Variants in MAP3K4 observed in about 807,000 individuals in gnomAD.
MAP3K4 encodes the protein MAP three kinase 1.
MAP3K4 carries 67 observed loss-of-function variants against 185.6 expected under a neutral mutation model. The ratio of observed to expected loss-of-function variants is 0.36; its 90% CI spans 0.30 to 0.44. The LOEUF (loss-of-function observed/expected upper bound fraction) is 0.44, where lower values mean the gene tolerates loss of function less well. MAP3K4 is among the 20% of genes least tolerant of loss of function. MAP3K4 has a pLI of 1.00. For missense variants in MAP3K4, 1,551 were observed against 1,995.1 expected (o/e 0.78, Z 4.24); for synonymous variants, 702 against 710.4 (o/e 0.99, Z 0.19).
In MAP3K4 at chr6:161,097,918, C is replaced by CA. The variant is rs375593903; in HGVS notation, c.3525-354dup. 1.1e-3 allele frequency among the ~76,000 whole-genome samples: 172 copies of CA among 151,702 alleles called. No homozygotes were observed. Among genetic ancestry groups the CA allele is most frequent in the African/African-American group, 4.0e-3 (166 of 41,402 alleles). On this transcript the variant is annotated intron_variant, in intron 16 of 26. Transcript: ENST00000392142. This position sits in a 1 kb window ranked among gnomAD's most constrained non-coding sequence, Gnocchi z 4.9. ...GCAACGTAGCAAAACATCATCTCTACAAAAAATACAACAAAGATAATAGCT... is the reference window on the plus strand; with the variant it reads ...GCAACGTAGCAAAACATCATCTCTACAAAAAAATACAACAAAGATAATAGCT...
At chr6:161,024,107 C>T (rs1208699725) in intron 1 of MAP3K4, among the ~76,000 whole-genome samples, 1 of 152,136 alleles carries the variant, frequency 6.6e-6, no homozygotes, top group African/African-American at 2.4e-5. Flanking sequence ...GCCGGGACTA[C>T]AGGTGTGCAG....
rs1021093326 is a variant in MAP3K4, at chr6:161,109,624, G to A, written c.4237-131G>A. ...GTTGTGAGACACATTCAGTGCTCAG[G>A]ATGGCAAGTGTAGTATACCGTTAGA... On this transcript the variant is annotated intron_variant, in intron 22 of 26. Coordinates refer to ENST00000392142, the MANE Select transcript of MAP3K4 (RefSeq NM_005922.4). The surrounding 1 kb of genome is among the most constrained non-coding windows in gnomAD (Gnocchi z 5.7). 9 of 871,558 alleles carry A rather than the reference G, an allele frequency of 1.0e-5. No individual in the cohort carries two copies. The highest frequency in any genetic ancestry group is 1.7e-5 in the African/African-American group (1 of 60,022). The allele number at this position is 871,558 out of a possible 1,614,324, so 54.0% of individuals were successfully genotyped here. A position where few individuals can be genotyped will look rare whatever the true frequency, so the allele number is the denominator to read the frequency against.
chr6:160,996,453 C>T lies in MAP3K4; in HGVS notation c.152+4370C>T, dbSNP rs1329602181. Among the ~76,000 whole-genome samples, 1 of 152,188 alleles carries T rather than the reference C, an allele frequency of 6.6e-6. No individual in the cohort carries two copies. Among genetic ancestry groups the T allele is most frequent in the Non-Finnish European group, 1.5e-5 (1 of 68,034 alleles). Reference sequence around the variant, plus strand: ...CGGGGATATAAAGGTCTTGCCTGCTCACTGGATACATTTGTTGTAATAACT... The same window carrying T: ...CGGGGATATAAAGGTCTTGCCTGCTTACTGGATACATTTGTTGTAATAACT... On this transcript the variant is annotated intron_variant, in intron 1 of 26. Coordinates refer to ENST00000392142, the MANE Select transcript of MAP3K4 (RefSeq NM_005922.4). This position sits in a 1 kb window ranked among gnomAD's most constrained non-coding sequence, Gnocchi z 4.5.
In MAP3K4 at chr6:161,101,930, T is replaced by A; in HGVS notation, c.3713T>A (p.Ile1238Lys). 1 of 1,614,198 alleles carries A rather than the reference T, an allele frequency of 6.2e-7. No individual in the cohort carries two copies. The highest frequency in any genetic ancestry group is 2.2e-5 in the East Asian group (1 of 44,888). Residue 1238 changes from isoleucine to lysine, a missense_variant, in exon 18 of 27, where the codon ATA becomes AAA. This residue lies in a region of MAP3K4 where 272 missense variants were observed against 301.2 expected (regional missense o/e 0.90). Coordinates refer to ENST00000392142, the MANE Select transcript of MAP3K4 (RefSeq NM_005922.4). This position sits in a 1 kb window ranked among gnomAD's most constrained non-coding sequence, Gnocchi z 5.1. The part of the protein sequence containing the change: ...SVPENDRLAS[I>K]AAELQFRSLS... ...CCTGAAAATGATCGATTGGCTTCCATAGCTGCTGAATTGCAGTTTAGGTCC... is the reference window on the plus strand; with the variant it reads ...CCTGAAAATGATCGATTGGCTTCCAAAGCTGCTGAATTGCAGTTTAGGTCC...
chr6:161,110,234 T>C lies in MAP3K4; in HGVS notation c.4396+320T>C, dbSNP rs1336448141. ...ATTCGTGATCAAAGCAACCTTTTTTTTCTCTCGTGTCAGGATTCTTGTCTA... is the reference window on the plus strand; with the variant it reads ...ATTCGTGATCAAAGCAACCTTTTTTCTCTCTCGTGTCAGGATTCTTGTCTA... On this transcript the variant is annotated intron_variant, in intron 23 of 26. Transcript: ENST00000392142. The surrounding 1 kb of genome is among the most constrained non-coding windows in gnomAD (Gnocchi z 4.8). Among the ~76,000 whole-genome samples, 3 of 152,216 alleles carry C rather than the reference T, an allele frequency of 2.0e-5. No individual in the cohort carries two copies. The highest frequency in any genetic ancestry group is 2.9e-5 in the Non-Finnish European group (2 of 68,050).
At position 161,083,806 on chromosome 6, in the gene MAP3K4, C is replaced by T. The variant is rs1001973201; in HGVS notation, c.2256-695C>T. On this transcript the variant is annotated intron_variant, in intron 6 of 26. Coordinates refer to ENST00000392142, the MANE Select transcript of MAP3K4 (RefSeq NM_005922.4). ...TTGCAGGGCTTTCTGGACATGAAGC[C>T]ATGCCTTCAATGGGTCTGAAACTGT... Among the ~76,000 whole-genome samples, 14 of 152,278 alleles carry T rather than the reference C, an allele frequency of 9.2e-5. 1 individual carries two copies. The East Asian group carries it at 2.7e-3, about 29-fold the overall frequency.
At position 160,991,922 on chromosome 6, in the gene MAP3K4, C is replaced by G; in HGVS notation, c.-10C>G. ...CTGCCCGCCGCGGCCATGCGGGGCT[C>G]CGTGCACGGATGAGAGAAGCCGCTG... On this transcript the variant is annotated 5_prime_UTR_variant, in exon 1 of 27. Transcript: ENST00000392142. This position sits in a 1 kb window ranked among gnomAD's most constrained non-coding sequence, Gnocchi z 5.7. The G allele has an allele frequency of 6.6e-7, 1 of 1,524,058 alleles. No individual in the cohort carries two copies. 94.4% of individuals were successfully genotyped at this position (1,524,058 alleles called of 1,614,324 possible).
chr6:161,102,195 T>C (rs1421240214), intron 18 of MAP3K4, among the ~76,000 whole-genome samples: 4 of 152,196 alleles, frequency 2.6e-5, no homozygotes, highest in African/African-American at 9.7e-5. Flanking sequence ...ACAGATGCCT[T>C]TTTAGCCCTG....
chr6:160,992,644 C>T (rs1232407287), intron 1 of MAP3K4, among the ~76,000 whole-genome samples: 1 of 152,114 alleles, frequency 6.6e-6, no homozygotes, highest in African/African-American at 2.4e-5. Context: ...TCTGAGGGCC[C>T]CTTACTGTCC....
chr6:161,024,363 A>C (rs571867680), intron 1 of MAP3K4, among the ~76,000 whole-genome samples: 5 of 152,316 alleles, frequency 3.3e-5, no homozygotes, highest in South Asian at 4.1e-4. Context: ...TAAATTTTAT[A>C]TAACTTCATA....
intron 2 of MAP3K4, among the ~76,000 whole-genome samples, chr6:161,041,915 T>C (rs1193103456): frequency 3.7e-5 from 2 of 53,874 alleles, no homozygotes; most frequent in African/African-American, 1.4e-4. Flanking sequence ...ATTGTTTCTT[T>C]TTTTTTTTTT....
intron 3 of MAP3K4, among the ~76,000 whole-genome samples, chr6:161,069,738 A>G (rs1283684623): frequency 6.6e-6 from 1 of 152,086 alleles, no homozygotes; most frequent in African/African-American, 2.4e-5. Context: ...TCCCCAAGTT[A>G]TGGTGGAGTG....
At position 161,082,438 on chromosome 6, in the gene MAP3K4, CT is replaced by C. The variant is rs11306780; in HGVS notation, c.2255+1404del. Among the ~76,000 whole-genome samples, 136,827 of 151,902 alleles carry C rather than the reference CT, an allele frequency of 0.9. 61,734 individuals are homozygous for C. Among genetic ancestry groups the C allele is most frequent in the East Asian group, 0.99 (5,084 of 5,128 alleles). ...CTCTTGTCAGTCTTTGTGTTTCTAT[CT>C]TTTGCTTGTCCTTCAAATTCCCTAG... On this transcript the variant is annotated intron_variant, in intron 6 of 26. Transcript: ENST00000392142. The surrounding 1 kb of genome is among the most constrained non-coding windows in gnomAD (Gnocchi z 4.2).
Position 161,109,669 on chromosome 6 carries a change from G to A in MAP3K4, c.4237-86G>A, listed in dbSNP as rs1683874336. 1 of 1,325,192 alleles carries A rather than the reference G, an allele frequency of 7.5e-7. No homozygotes were observed. Among genetic ancestry groups the A allele is most frequent in the African/African-American group, 1.4e-5 (1 of 69,404 alleles). The allele number at this position is 1,325,192 out of a possible 1,614,324, so 82.1% of individuals were successfully genotyped here. A position where few individuals can be genotyped will look rare whatever the true frequency, so the allele number is the denominator to read the frequency against. ...GTTAGAAAGAACATTCCTTTGGGGT[G>A]TGGCCTAGGAAGTTTTCCAGATTTT... On this transcript the variant is annotated intron_variant, in intron 22 of 26. Coordinates refer to ENST00000392142, the MANE Select transcript of MAP3K4 (RefSeq NM_005922.4). The surrounding 1 kb of genome is among the most constrained non-coding windows in gnomAD (Gnocchi z 5.7).
chr6:160,995,825 A>C (rs1183281457), intron 1 of MAP3K4, among the ~76,000 whole-genome samples: 1 of 152,242 alleles, frequency 6.6e-6, no homozygotes, highest in Non-Finnish European at 1.5e-5. Flanking sequence ...AACACAGAAT[A>C]AATTGGATAT....
rs1689416788 is a variant in MAP3K4 at position 161,054,911 on chromosome 6, G to A, written c.1707+4932G>A. Among the ~76,000 whole-genome samples, 3 of 152,074 alleles carry A rather than the reference G, an allele frequency of 2.0e-5. No homozygotes were observed. In the South Asian group the frequency reaches 6.2e-4, roughly 31 times the overall value. The stretch of plus-strand genomic sequence containing the variant: ...CTTACCCTCCCCCATATCCATTTGT[G>A]GACCCAGATACAATCCAAGATCTTT... On this transcript the variant is annotated intron_variant, in intron 3 of 26. Coordinates refer to ENST00000392142, the MANE Select transcript of MAP3K4 (RefSeq NM_005922.4). This position sits in a 1 kb window ranked among gnomAD's most constrained non-coding sequence, Gnocchi z 4.2.
chr6:161,013,062 G>T (rs543358396), intron 1 of MAP3K4, among the ~76,000 whole-genome samples: 186 of 152,220 alleles, frequency 1.2e-3, no homozygotes, highest in Non-Finnish European at 1.9e-3. Context: ...AAAGGATTTT[G>T]AACACTTTTA....
chr6:161,115,368 G>A lies in MAP3K4; in HGVS notation c.4806+66G>A, dbSNP rs765326687. ...TTTAAGTTCTGTTTTGCATCAAGAC[G>A]TTAATGAAATTTTGAAACTTTAAAG... On this transcript the variant is annotated intron_variant, in intron 26 of 26. Coordinates refer to ENST00000392142, the MANE Select transcript of MAP3K4 (RefSeq NM_005922.4). This position sits in a 1 kb window ranked among gnomAD's most constrained non-coding sequence, Gnocchi z 6.0. The A allele has an allele frequency of 2.2e-5, 32 of 1,471,614 alleles. No homozygotes were observed. Among genetic ancestry groups the A allele is most frequent in the Non-Finnish European group, 2.7e-5 (29 of 1,093,222 alleles). 91.2% of individuals were successfully genotyped at this position (1,471,614 alleles called of 1,614,324 possible). A position where few individuals can be genotyped will look rare whatever the true frequency, so the allele number is the denominator to read the frequency against.
rs1778562425 is a variant in MAP3K4, at chr6:161,115,700, G to C, written c.4806+398G>C. On this transcript the variant is annotated intron_variant, in intron 26 of 26. Transcript: ENST00000392142. The surrounding 1 kb of genome is among the most constrained non-coding windows in gnomAD (Gnocchi z 6.0). ...AATTTAATTAAGTCAGCCAATCTCA[G>C]TTCTTTTTTCTCTAGAATGAGGTAC... Among the ~76,000 whole-genome samples the C allele has an allele frequency of 6.6e-6, 1 of 152,182 alleles. No individual in the cohort carries two copies. The highest frequency in any genetic ancestry group is 1.5e-5 in the Non-Finnish European group (1 of 68,026).
Sources: allele counts gnomAD v4.1 joint callset (sites outside exome capture counted in the v4.1 genomes callset), GRCh38; gene constraint gnomAD v4.1.1; regional missense constraint gnomAD v4.1.1; non-coding constraint Gnocchi (gnomAD v3.1); transcripts MANE v1.5; gene names NCBI Gene and HGNC (gene_info 2026-07-23, HGNC 2026-07-21).